The following ZC3H12B variants were observed in gnomAD, a reference collection of about 807,000 sequenced individuals.
The protein encoded by ZC3H12B is zinc finger CCCH-type containing 12B.
ZC3H12B carries 7 observed loss-of-function variants against 43.9 expected under a neutral mutation model. That is an observed-to-expected ratio of 0.16 (90% confidence interval 0.09 to 0.30). The LOEUF is 0.30. Ranked by LOEUF, ZC3H12B falls within the 10% of genes least tolerant of loss-of-function variation. ZC3H12B has a pLI of 1.00. For synonymous variants in ZC3H12B, 222 were observed against 241.7 expected, an observed-to-expected ratio of 0.92 and a Z score of 0.76; for missense variants, 475 against 670.2, an observed-to-expected ratio of 0.71 and a Z score of 3.22.
At chrX:65,206,693 G>A in the ZC3H12B span, among the ~76,000 whole-genome samples, 1 of 111,552 alleles carries the variant, frequency 9.0e-6, no homozygotes, top group South Asian at 3.7e-4. Context: ...CTTCTGCACA[G>A]CAACAGAAAC....
chrX:65,261,476 T>C, the ZC3H12B span, among the ~76,000 whole-genome samples: 1 of 111,320 alleles, frequency 9.0e-6, no homozygotes, highest in Non-Finnish European at 1.9e-5. Flanking sequence ...ATGGGCAAAG[T>C]ATATAGACTT....
the ZC3H12B span, among the ~76,000 whole-genome samples, chrX:65,287,088 G>A: frequency 9.0e-6 from 1 of 110,640 alleles, no homozygotes; most frequent in Non-Finnish European, 1.9e-5. Flanking sequence ...GTAACAGTGT[G>A]GGACTCCCAA....
chrX:65,042,495 T>C, the ZC3H12B span, among the ~76,000 whole-genome samples: 1 of 112,839 alleles, frequency 8.9e-6, no homozygotes, highest in African/African-American at 3.2e-5. Flanking sequence ...CAAATGTTTC[T>C]AATCTAGATA....
At chrX:65,054,426 T>C in the ZC3H12B span, among the ~76,000 whole-genome samples, 1 of 109,977 alleles carries the variant, frequency 9.1e-6, no homozygotes, top group African/African-American at 3.3e-5. Context: ...TGTAGATATG[T>C]GGCATTATTT....
chrX:65,312,967 C>T, the ZC3H12B span, among the ~76,000 whole-genome samples: 8 of 111,650 alleles, frequency 7.2e-5, no homozygotes, highest in South Asian at 7.5e-4. Flanking sequence ...CTGCAACCTC[C>T]GCCCTCTGGG....
chrX:65,215,361 A>G, the ZC3H12B span, among the ~76,000 whole-genome samples: 1 of 111,737 alleles, frequency 8.9e-6, no homozygotes, highest in East Asian at 2.8e-4. Context: ...AGCCACCATC[A>G]TCTATTATCT....
chrX:65,217,218 G>A, the ZC3H12B span, among the ~76,000 whole-genome samples: 4 of 112,248 alleles, frequency 3.6e-5, no homozygotes, highest in Non-Finnish European at 7.5e-5. Context: ...ATCTGCATGA[G>A]TCGCAGTGTT....
At chrX:65,461,205 A>C (rs2148177668) in intron 3 of ZC3H12B, among the ~76,000 whole-genome samples, 1 of 112,152 alleles carries the variant, frequency 8.9e-6, no homozygotes, top group East Asian at 2.8e-4. Flanking sequence ...GTCAGGAAAC[A>C]ACAGGTGCTG....
At chrX:65,365,123 C>A (rs73629437), upstream of ZC3H12B, among the ~76,000 whole-genome samples, 215 of 110,973 alleles carry the variant, frequency 1.9e-3, 1 homozygote, top group African/African-American at 6.8e-3. Flanking sequence ...TCAGTGGAAC[C>A]TTCATACCCC....
chrX:65,450,983 G>T (rs1205234899), intron 3 of ZC3H12B, among the ~76,000 whole-genome samples: 2 of 103,638 alleles, frequency 1.9e-5, no homozygotes, highest in African/African-American at 3.6e-5. Context: ...CAATTCTTTT[G>T]TTCATCCAGG....
Position 65,368,305 on chromosome X carries a change from T to C in ZC3H12B, n.126-524T>C, listed in dbSNP as rs184946396. 2.3e-3 allele frequency among the ~76,000 whole-genome samples: 255 copies of C among 111,611 alleles called. 2 individuals are homozygous for C. The highest frequency in any genetic ancestry group is 7.7e-3 in the African/African-American group (238 of 30,786). ...TATTTCAAGTAGTTAGGAATTCATG[T>C]TTATTCTAAATTGTGGTCTTTTAAG... On this transcript the variant is annotated intron_variant and non_coding_transcript_variant, in intron 1 of 5. Coordinates refer to the ZC3H12B transcript ENST00000617377.
the ZC3H12B span, among the ~76,000 whole-genome samples, chrX:65,213,911 A>T: frequency 6.9e-5 from 7 of 101,734 alleles, no homozygotes; most frequent in African/African-American, 3.0e-4. Flanking sequence ...ATATATATAC[A>T]CACACACATA....
the ZC3H12B span, among the ~76,000 whole-genome samples, chrX:65,261,163 GTAGAGCTTCT>G: frequency 9.0e-6 from 1 of 111,643 alleles, no homozygotes; most frequent in Non-Finnish European, 1.9e-5. Flanking sequence ...CAGAGGTGTT[GTAGAGCTTCT>G]TAGCAACCAA....
intron 3 of ZC3H12B, among the ~76,000 whole-genome samples, chrX:65,402,523 G>T (rs1437018756): frequency 8.9e-6 from 1 of 111,777 alleles, no homozygotes; most frequent in Non-Finnish European, 1.9e-5. Flanking sequence ...ACCCAGTGCT[G>T]TGCTGGCTTC....
intron 3 of ZC3H12B, among the ~76,000 whole-genome samples, chrX:65,433,085 C>T (rs2067182648): frequency 1.8e-5 from 2 of 112,683 alleles, no homozygotes; most frequent in Admixed American, 1.9e-4. Context: ...AGGCATTTGC[C>T]AAGTTATTAG....
the ZC3H12B span, among the ~76,000 whole-genome samples, chrX:65,089,801 A>G: frequency 9.9e-5 from 11 of 111,489 alleles, no homozygotes; most frequent in Middle Eastern, 4.7e-3. Context: ...TTTAAAAGCT[A>G]AGACACAAAC....
chrX:65,454,689 G>C (rs1294740001), intron 3 of ZC3H12B, among the ~76,000 whole-genome samples: 1 of 111,843 alleles, frequency 8.9e-6, no homozygotes, highest in Non-Finnish European at 1.9e-5. Flanking sequence ...CCTCAAGTTG[G>C]TCCCAGACCC....
At chrX:65,351,730 C>T in the ZC3H12B span, among the ~76,000 whole-genome samples, 1 of 112,362 alleles carries the variant, frequency 8.9e-6, no homozygotes, top group East Asian at 2.8e-4. Context: ...TCATCATCAC[C>T]GGTCGTTAGA....
chrX:65,374,402 A>C (rs1474620679), intron 2 of ZC3H12B, among the ~76,000 whole-genome samples: 1 of 103,376 alleles, frequency 9.7e-6, no homozygotes, highest in Non-Finnish European at 2.0e-5. Context: ...CAAACTTGCA[A>C]ATATACCTCC....
Sources: gnomAD v4.1 joint callset for allele counts (sites outside exome capture counted in the v4.1 genomes callset) on GRCh38, gnomAD v4.1.1 for gene constraint, MANE v1.5 for transcripts, NCBI Gene and HGNC (gene_info 2026-07-23, HGNC 2026-07-21) for gene names.